Variants in MYOM1 observed in about 807,000 individuals in gnomAD.
MYOM1 encodes myomesin 1.
Under a neutral mutation model 205.3 loss-of-function variants are expected in MYOM1, and 164 were observed. That is an observed-to-expected ratio of 0.80 (90% CI 0.70 to 0.91). MYOM1 has a LOEUF of 0.91. Ranked by LOEUF, MYOM1 falls within the 40% of genes least tolerant of loss-of-function variation. The pLI is 0.00. For synonymous variants in MYOM1, 772 were observed against 789.4 expected (o/e 0.98, Z 0.37); for missense variants, 2,011 against 2,127.3 (o/e 0.95, Z 1.08).
rs1452916178 is a variant in MYOM1 at position 3,179,739 on chromosome 18, C to T, written c.930-3605G>A. Among the ~76,000 whole-genome samples, 1 of 152,164 alleles carries T rather than the reference C, an allele frequency of 6.6e-6. No individual in the cohort carries two copies. The highest frequency in any genetic ancestry group is 1.5e-5 in the Non-Finnish European group (1 of 68,034). ...GCCACTTCTAATCTCCCGCATTCCC[C>T]GTTTAGATGAAGTACAGGGTAGAAC... On this transcript the variant is annotated intron_variant, in intron 5 of 37. Transcript: ENST00000356443. This position sits in a 1 kb window ranked among gnomAD's most constrained non-coding sequence, Gnocchi z 4.4.
chr18:3,153,221 G>T lies in MYOM1; in HGVS notation c.1644-1328C>A, dbSNP rs139606663. Among the ~76,000 whole-genome samples, 11 of 152,206 alleles carry T rather than the reference G, an allele frequency of 7.2e-5. 1 individual carries two copies. Among genetic ancestry groups the T allele is most frequent in the Admixed American group, 6.6e-4 (10 of 15,264 alleles). On this transcript the variant is annotated intron_variant, in intron 11 of 37. Transcript: ENST00000356443. ...CTGCTCCTGACACTTTCCGCAGCAC[G>T]TTGGAGCAGAAAGAACACAAACCTA...
At position 3,094,311 on chromosome 18, in the gene MYOM1, GA is replaced by G. The variant is rs1374043849; in HGVS notation, c.3728-6del. The G allele has an allele frequency of 1.9e-6, 3 of 1,554,842 alleles. No homozygotes were observed. Among genetic ancestry groups the G allele is most frequent in the South Asian group, 1.2e-5 (1 of 85,396 alleles). ...ACTCTGATTTAACTGGGACAGCTAT[GA>G]AAAGTAAAAATAAACACAGTAATTA... On this transcript the variant is annotated splice_polypyrimidine_tract_variant and splice_region_variant and intron_variant, in intron 25 of 37. Coordinates refer to ENST00000356443, the MANE Select transcript of MYOM1 (RefSeq NM_003803.4).
intron 27 of MYOM1, among the ~76,000 whole-genome samples, chr18:3,090,257 TC>T (rs2079205355): frequency 6.8e-6 from 1 of 147,722 alleles, no homozygotes; most frequent in East Asian, 2.0e-4. Flanking sequence ...TCTCACTCTG[TC>T]CCCCAGGCTG....
At chr18:3,151,537 C>T (rs1053294164) in intron 12 of MYOM1, among the ~76,000 whole-genome samples, 157 bp downstream of exon 12, 15 of 151,156 alleles carry the variant, frequency 9.9e-5, no homozygotes, top group Non-Finnish European at 2.1e-4. Flanking sequence ...GCAATGTTTG[C>T]GAAGGATTCT....
intron 16 of MYOM1, 60 bp downstream of exon 16, chr18:3,134,590 C>T (rs532931052): frequency 8.8e-5 from 132 of 1,498,214 alleles, no homozygotes; most frequent in Non-Finnish European, 1.1e-4. Context: ...GTCTGTGTGC[C>T]GTATGTGTCT....
chr18:3,107,173 A>G (rs1186359744), intron 22 of MYOM1, among the ~76,000 whole-genome samples: 1 of 152,156 alleles, frequency 6.6e-6, no homozygotes, highest in African/African-American at 2.4e-5. Flanking sequence ...GCTGGAGTGC[A>G]GTGGCACGAT....
chr18:3,155,984 T>TC (rs2080296220), intron 10 of MYOM1, among the ~76,000 whole-genome samples: 1 of 152,118 alleles, frequency 6.6e-6, no homozygotes, highest in South Asian at 2.1e-4. Flanking sequence ...TTAGTAAAAG[T>TC]CCGGGATAAT....
the MYOM1 span, among the ~76,000 whole-genome samples, chr18:3,229,976 CAAAAA>C: frequency 2.3e-4 from 18 of 79,068 alleles, no homozygotes; most frequent in Admixed American, 5.0e-4. Context: ...AACTCCATCT[CAAAAA>C]AAAAAAAAAA....
the MYOM1 span, among the ~76,000 whole-genome samples, chr18:3,229,694 G>T: frequency 1.3e-5 from 2 of 152,272 alleles, no homozygotes; most frequent in East Asian, 3.9e-4. Flanking sequence ...ATGTGGCCGG[G>T]CGCGGTGGCT....
In MYOM1 at chr18:3,126,804, G is replaced by A. The variant is rs756352396; in HGVS notation, c.2888C>T (p.Ala963Val). The A allele has an allele frequency of 1.9e-6, 3 of 1,613,772 alleles. No homozygotes were observed. The highest frequency in any genetic ancestry group is 2.2e-5 in the South Asian group (2 of 91,026). Residue 963 changes from alanine to valine, a missense_variant, in exon 19 of 38, where the codon GCA becomes GTA. Transcript: ENST00000356443. ...GTTCACATAATAGCCAGTAATTTCT[G>A]CCCCTCCAATCTTATCTGGTTGCTT... ...GWKQPDKIGG[A>V]EITGYYVNYR... is the part of the protein sequence containing the mutation.
At chr18:3,125,966 G>T (rs971297753) in intron 19 of MYOM1, among the ~76,000 whole-genome samples, 2 of 151,952 alleles carry the variant, frequency 1.3e-5, no homozygotes, top group African/African-American at 4.8e-5. Flanking sequence ...CTGTAATTTG[G>T]ACACTGAAAG....
intron 33 of MYOM1, among the ~76,000 whole-genome samples, 194 bp downstream of exon 33, chr18:3,083,595 A>ATTTTTTTTTTTTTTT (rs59299057): frequency 9.3e-6 from 1 of 107,154 alleles, no homozygotes; most frequent in Non-Finnish European, 1.9e-5. Context: ...CGCCCAGCTC[A>ATTTTTTTTTTTTTTT]TTTTTTTTTT....
chr18:3,078,040 T>G (rs1017112434), intron 34 of MYOM1, among the ~76,000 whole-genome samples: 12 of 148,080 alleles, frequency 8.1e-5, no homozygotes, highest in Non-Finnish European at 1.6e-4. Context: ...CATATTGAGG[T>G]TGTATTTTTT....
chr18:3,163,987 G>C (rs111851199), intron 10 of MYOM1, among the ~76,000 whole-genome samples: 2,599 of 151,364 alleles, frequency 0.017, 59 homozygotes, highest in African/African-American at 0.053. Context: ...CAAGTAGCTG[G>C]GACCACAGGT....
In MYOM1 at chr18:3,151,473, T is replaced by TAAATA. The variant is rs71159050; in HGVS notation, c.1843+216_1843+220dup. Among the ~76,000 whole-genome samples, 25,501 of 143,836 alleles carry TAAATA rather than the reference T, an allele frequency of 0.18. 2,678 individuals carry two copies. The highest frequency in any genetic ancestry group is 0.27 in the Admixed American group (3,891 of 14,470). 94.4% of individuals were successfully genotyped at this position (143,836 alleles called of 152,430 possible). A position where few individuals can be genotyped will look rare whatever the true frequency, so the allele number is the denominator to read the frequency against. On this transcript the variant is annotated intron_variant, in intron 12 of 37. Coordinates refer to ENST00000356443, the MANE Select transcript of MYOM1 (RefSeq NM_003803.4). The stretch of plus-strand genomic sequence containing the variant: ...TATAAAATAATAAAATAAAATAAAA[T>TAAATA]AAATAAAATAAAATAAAATAAAATA...
At chr18:3,106,578 A>C (rs1423348462) in intron 22 of MYOM1, among the ~76,000 whole-genome samples, 1 of 152,216 alleles carries the variant, frequency 6.6e-6, no homozygotes, top group African/African-American at 2.4e-5. Flanking sequence ...TAATCCCAGC[A>C]CTTTGGGAGG....
At chr18:3,132,489 G>A (rs1440633968) in intron 16 of MYOM1, among the ~76,000 whole-genome samples, 1 of 152,074 alleles carries the variant, frequency 6.6e-6, no homozygotes. Context: ...TAGGCTCAGG[G>A]ATACATGGGA....
chr18:3,089,095 T>A, intron 29 of MYOM1, 79 bp downstream of exon 29: 1 of 985,410 alleles, frequency 1.0e-6, no homozygotes, highest in Non-Finnish European at 1.5e-6. Context: ...ATGGAAGAGA[T>A]GAAAAATTGA....
intron 34 of MYOM1, among the ~76,000 whole-genome samples, chr18:3,078,816 G>A (rs2079049982): frequency 6.6e-6 from 1 of 151,766 alleles, no homozygotes; most frequent in African/African-American, 2.4e-5. Flanking sequence ...TTGACTTTTT[G>A]CTTATAAGTG....
Sources: allele counts gnomAD v4.1 joint callset (sites outside exome capture counted in the v4.1 genomes callset), GRCh38; gene constraint gnomAD v4.1.1; non-coding constraint Gnocchi (gnomAD v3.1); transcripts MANE v1.5; gene names NCBI Gene and HGNC (gene_info 2026-07-23, HGNC 2026-07-21).